The following VCL variants were observed in gnomAD, a reference collection of about 807,000 sequenced individuals.
VCL encodes epididymis luminal protein 114.
Under a neutral mutation model 125.7 loss-of-function variants are expected in VCL, and 47 were observed. That is an observed-to-expected ratio of 0.37 (90% CI 0.30 to 0.48). The LOEUF (loss-of-function observed/expected upper bound fraction) is 0.48. Ranked by LOEUF, VCL falls within the 20% of genes least tolerant of loss-of-function variation. The pLI is 0.99. For synonymous variants in VCL, 458 were observed against 514.6 expected, an observed-to-expected ratio of 0.89 and a Z score of 1.49; for missense variants, 1,069 against 1,455.5, an observed-to-expected ratio of 0.73 and a Z score of 4.32.
rs745748680 is a variant in VCL, at chr10:74,095,739, G to A, written c.1627G>A (p.Ala543Thr). ...GGGGCCTTATCGGCAAGATCTTCTC[G>A]CCAAGTGTGACCGAGTGGACCAGCT... ...MMGPYRQDLLAKCDRVDQLTA... is the reference protein window; with the variant it reads ...MMGPYRQDLLTKCDRVDQLTA... Residue 543 changes from alanine to threonine, a missense_variant, in exon 12 of 22, where the codon GCC becomes ACC. By Grantham distance (58) the Ala-to-Thr change is moderately conservative. Around this residue, in one of 6 missense-constraint regions of VCL, gnomAD observed 760 missense variants for 928.9 expected, o/e 0.82. Transcript: ENST00000211998. The A allele has an allele frequency of 2.3e-5, 37 of 1,614,022 alleles. No homozygotes were observed. The highest frequency in any genetic ancestry group is 1.6e-4 in the Middle Eastern group (1 of 6,074).
intron 1 of VCL, among the ~76,000 whole-genome samples, chr10:74,013,112 G>A (rs1840466364): frequency 6.6e-6 from 1 of 152,076 alleles, no homozygotes; most frequent in Admixed American, 6.6e-5. Context: ...TTGCCTTGTG[G>A]AGTAAAGTAT....
intron 18 of VCL, among the ~76,000 whole-genome samples, chr10:74,109,571 A>ATTTT (rs1247180485): frequency 2.4e-4 from 15 of 62,724 alleles, no homozygotes; most frequent in Admixed American, 1.7e-3. Flanking sequence ...AAATGTTTGC[A>ATTTT]TTTTCTTTTT....
intron 5 of VCL, among the ~76,000 whole-genome samples, chr10:74,074,439 A>G (rs911766980): frequency 6.6e-6 from 1 of 152,218 alleles, no homozygotes; most frequent in African/African-American, 2.4e-5. Context: ...CCAGGATGAT[A>G]ACTGATTTAG....
chr10:74,038,036 C>T (rs1401902481), intron 1 of VCL, among the ~76,000 whole-genome samples: 1 of 146,368 alleles, frequency 6.8e-6, no homozygotes, highest in Non-Finnish European at 1.5e-5. Context: ...CTCGCTCTGT[C>T]GCCTAGGCTG....
At chr10:74,069,970 A>T (rs571288512) in intron 2 of VCL, among the ~76,000 whole-genome samples, 1 of 152,176 alleles carries the variant, frequency 6.6e-6, no homozygotes, top group Non-Finnish European at 1.5e-5. Flanking sequence ...ACCTTTAATT[A>T]ACAATATATT....
chr10:74,060,680 A>G (rs1236396982), intron 2 of VCL, among the ~76,000 whole-genome samples: 1 of 151,134 alleles, frequency 6.6e-6, no homozygotes, highest in African/African-American at 2.4e-5. Flanking sequence ...AAAGAAAAAG[A>G]AAAAGAAGAA....
intron 1 of VCL, among the ~76,000 whole-genome samples, chr10:74,018,201 T>TATATATATATATAA (rs1433937715): frequency 2.1e-5 from 3 of 139,802 alleles, no homozygotes; most frequent in African/African-American, 5.2e-5. Flanking sequence ...TATATATATA[T>TATATATATATATAA]AAATACATAT....
intron 18 of VCL, among the ~76,000 whole-genome samples, chr10:74,110,130 T>C (rs538329356): frequency 1.3e-5 from 2 of 152,322 alleles, no homozygotes; most frequent in Non-Finnish European, 2.9e-5. Context: ...AGGGAGACTT[T>C]GCTGGTGTTG....
intron 19 of VCL, among the ~76,000 whole-genome samples, chr10:74,113,543 G>A (rs1041869988): frequency 2.6e-5 from 4 of 151,948 alleles, no homozygotes; most frequent in Non-Finnish European, 4.4e-5. Context: ...AGAGGCAGTA[G>A]AGGGATAGCC....
rs765022798 is a variant in VCL at position 74,105,333 on chromosome 10, C to T, written c.2414C>T (p.Ala805Val). The T allele has an allele frequency of 1.7e-5, 27 of 1,612,460 alleles. No individual in the cohort carries two copies. The highest frequency in any genetic ancestry group is 2.2e-5 in the Non-Finnish European group (26 of 1,179,992). Residue 805 changes from alanine (A) to valine (V), a missense_variant, in exon 16 of 22, where the codon GCT (alanine) becomes GTT (valine). Physicochemically the swap from Ala to Val is moderately conservative, Grantham distance 64 (BLOSUM62 0). This residue lies in a region of VCL where 760 missense variants were observed against 928.9 expected (regional missense o/e 0.82). Transcript: ENST00000211998. ...SPMVMDAKAV[A>V]GNISDPGLQK... ...ATGGTGATGGATGCAAAAGCTGTGG[C>T]TGGAAACATTTCCGACCCTGGTAAG...
rs780856981 is a variant in VCL at position 74,101,080 on chromosome 10, C to A, written c.2005C>A (p.Arg669=). ...CATTCAGGCCTCAGTGAAGACGGCC[C>A]GAGAACTCACACCCCAGGTTGGGTT... ...EGIQASVKTA[R]ELTPQVVSAA... Residue 669 remains arginine (R), a synonymous_variant, in exon 14 of 22, where the codon CGA becomes AGA. Coordinates refer to ENST00000211998, the MANE Select transcript of VCL (RefSeq NM_014000.3). The A allele has an allele frequency of 6.2e-7, 1 of 1,613,358 alleles. No individual in the cohort carries two copies. The highest frequency in any genetic ancestry group is 8.5e-7 in the Non-Finnish European group (1 of 1,179,628).
intron 14 of VCL, among the ~76,000 whole-genome samples, chr10:74,101,597 G>A (rs1418950376): frequency 5.5e-5 from 7 of 128,412 alleles, no homozygotes; most frequent in African/African-American, 9.3e-5. Context: ...CGCCCAGGCC[G>A]GACTGTGGAC....
At chr10:74,025,699 G>GAAGA (rs1840758824) in intron 1 of VCL, among the ~76,000 whole-genome samples, 1 of 122,140 alleles carries the variant, frequency 8.2e-6, no homozygotes, top group Admixed American at 9.2e-5. Flanking sequence ...AGGGAGGGAG[G>GAAGA]AAGGAAGGGA....
Position 74,097,441 on chromosome 10 carries a change from T to C in VCL, c.1872+109T>C. Reference sequence around the variant, plus strand: ...GGATCAGTGGTTGGGAAACTGTAGATGAAGGGTGGAAGAGCAGAACAGGGA... The same window carrying C: ...GGATCAGTGGTTGGGAAACTGTAGACGAAGGGTGGAAGAGCAGAACAGGGA... On this transcript the variant is annotated intron_variant, in intron 13 of 21. Transcript: ENST00000211998. This position sits in a 1 kb window ranked among gnomAD's most constrained non-coding sequence, Gnocchi z 4.1. The C allele has an allele frequency of 6.6e-7, 1 of 1,525,884 alleles. No homozygotes were observed. Among genetic ancestry groups the C allele is most frequent in the Non-Finnish European group, 8.9e-7 (1 of 1,119,324 alleles). 94.5% of individuals were successfully genotyped at this position (1,525,884 alleles called of 1,614,324 possible). A position where few individuals can be genotyped will look rare whatever the true frequency, so the allele number is the denominator to read the frequency against.
At chr10:74,009,971 C>G (rs1160744299) in intron 1 of VCL, among the ~76,000 whole-genome samples, 1 of 151,574 alleles carries the variant, frequency 6.6e-6, no homozygotes, top group Non-Finnish European at 1.5e-5. Flanking sequence ...GTTGCCCAGG[C>G]TGGAGTGCAG....
chr10:74,097,327 G>A lies in VCL; in HGVS notation c.1867G>A (p.Glu623Lys), dbSNP rs1305636801. The change falls in exon 13 of 22, where the codon GAA becomes AAA. Residue 623 changes from glutamate to lysine, a missense_variant. By Grantham distance (56) the Glu-to-Lys change is moderately conservative. Coordinates refer to ENST00000211998, the MANE Select transcript of VCL (RefSeq NM_014000.3). This position sits in a 1 kb window ranked among gnomAD's most constrained non-coding sequence, Gnocchi z 4.1. Reference protein sequence around the residue: ...ATAPPDAPNREEVFDERAANF... With the variant: ...ATAPPDAPNRKEVFDERAANF... Reference sequence around the variant, plus strand: ...GGCGCCTCCTGATGCGCCTAACAGGGAAGAGGTGGGTATCTGAGGTCTTCC... The same window carrying A: ...GGCGCCTCCTGATGCGCCTAACAGGAAAGAGGTGGGTATCTGAGGTCTTCC... 2 of 1,613,274 alleles carry A rather than the reference G, an allele frequency of 1.2e-6. No homozygotes were observed. Among genetic ancestry groups the A allele is most frequent in the Non-Finnish European group, 1.7e-6 (2 of 1,179,778 alleles).
intron 9 of VCL, 23 bp from the exon 10 acceptor site, chr10:74,090,000 T>C (rs1290476093): frequency 1.9e-6 from 3 of 1,614,156 alleles, no homozygotes; most frequent in Admixed American, 1.7e-5. Flanking sequence ...CACAGCGTGC[T>C]GCTTCTCCGT....
chr10:74,014,449 G>A (rs1840498071), intron 1 of VCL, among the ~76,000 whole-genome samples: 1 of 151,674 alleles, frequency 6.6e-6, no homozygotes, highest in Admixed American at 6.6e-5. Context: ...TGCCCAGGCT[G>A]GTCTTGAACT....
At chr10:74,114,489 G>A in intron 20 of VCL, 102 bp downstream of exon 20, 1 of 1,394,354 alleles carries the variant, frequency 7.2e-7, no homozygotes, top group Non-Finnish European at 9.9e-7. Flanking sequence ...AAGCAGGAGA[G>A]AAAAACTAGG....
Sources: allele counts gnomAD v4.1 joint callset (sites outside exome capture counted in the v4.1 genomes callset), GRCh38; gene constraint gnomAD v4.1.1; regional missense constraint gnomAD v4.1.1; non-coding constraint Gnocchi (gnomAD v3.1); transcripts MANE v1.5; gene names NCBI Gene and HGNC (gene_info 2026-07-23, HGNC 2026-07-21).